The following CERT1 variants were observed in gnomAD, a reference collection of about 807,000 sequenced individuals.
The protein encoded by CERT1 is ceramide transfer protein.
Under a neutral mutation model 87.9 loss-of-function variants are expected in CERT1, and 31 were observed. The ratio of observed to expected loss-of-function variants is 0.35; its 90% CI spans 0.27 to 0.48. The LOEUF (loss-of-function observed/expected upper bound fraction) is 0.48, where lower values mean the gene tolerates loss of function less well. CERT1 is among the 20% of genes least tolerant of loss of function. The pLI is 0.99. For synonymous variants in CERT1, 289 were observed against 250.9 expected (o/e 1.15, Z -1.44); for missense variants, 487 against 758.0 (o/e 0.64, Z 4.20).
At position 75,511,238 on chromosome 5, in the gene CERT1, C is replaced by T. The variant is rs985517134; in HGVS notation, c.-31G>A. On this transcript the variant is annotated 5_prime_UTR_variant, in exon 1 of 17. Transcript: ENST00000643780. Reference sequence around the variant, plus strand: ...CTCGACAACCGAGCAGGAGACCGGCCCCCGCTCCCTCAGCTGCGCCGGAGG... The same window carrying T: ...CTCGACAACCGAGCAGGAGACCGGCTCCCGCTCCCTCAGCTGCGCCGGAGG... The T allele has an allele frequency of 1.2e-6, 2 of 1,609,788 alleles. No homozygotes were observed. The highest frequency in any genetic ancestry group is 1.7e-6 in the Non-Finnish European group (2 of 1,178,382).
chr5:75,369,438 T>C (rs747199592), intron 17 of CERT1: 3 of 152,150 alleles, frequency 2.0e-5, no homozygotes, highest in Admixed American at 1.3e-4. Flanking sequence ...TCTTCAAGCA[T>C]GTTAGCTCTT....
At chr5:75,441,118 A>C (rs1302508915) in intron 3 of CERT1, among the ~76,000 whole-genome samples, 1 of 152,150 alleles carries the variant, frequency 6.6e-6, no homozygotes, top group African/African-American at 2.4e-5. Context: ...TTTGTCAATG[A>C]CAGACCACAT....
chr5:75,488,335 TA>T (rs1185600752), intron 2 of CERT1, among the ~76,000 whole-genome samples: 3 of 152,038 alleles, frequency 2.0e-5, no homozygotes, highest in East Asian at 1.9e-4. Flanking sequence ...GTACTCATAA[TA>T]TTTTTTTTAA....
chr5:75,477,639 A>G (rs1403779572), intron 2 of CERT1, among the ~76,000 whole-genome samples: 5 of 139,302 alleles, frequency 3.6e-5, no homozygotes, highest in Admixed American at 7.2e-5. Flanking sequence ...TAAAGGTCTA[A>G]TAAGTTGTAA....
chr5:75,431,908 T>C (rs934843658), intron 3 of CERT1, among the ~76,000 whole-genome samples: 4 of 152,230 alleles, frequency 2.6e-5, no homozygotes, highest in African/African-American at 9.6e-5. Flanking sequence ...GGAGGAATGA[T>C]TTATATTCCT....
intron 13 of CERT1, 81 bp from the exon 14 acceptor site, chr5:75,384,793 G>T: frequency 2.3e-6 from 2 of 882,024 alleles, no homozygotes; most frequent in Non-Finnish European, 3.7e-6. Flanking sequence ...AGTCAAGTAC[G>T]AATGGACAGT....
chr5:75,495,387 T>C (rs1348614776), intron 2 of CERT1, among the ~76,000 whole-genome samples: 3 of 151,848 alleles, frequency 2.0e-5, no homozygotes, highest in Non-Finnish European at 2.9e-5. Flanking sequence ...TCAAACCCCA[T>C]CTCTACAAAA....
intron 3 of CERT1, among the ~76,000 whole-genome samples, chr5:75,455,500 A>G (rs1764946327): frequency 6.6e-6 from 1 of 152,176 alleles, no homozygotes; most frequent in Admixed American, 6.5e-5. Context: ...ATGATTTAAA[A>G]AATCATGGTC....
chr5:75,495,095 C>A (rs552337326), intron 2 of CERT1, among the ~76,000 whole-genome samples: 5 of 152,292 alleles, frequency 3.3e-5, no homozygotes, highest in South Asian at 4.1e-4. Flanking sequence ...GCTTCTCAGT[C>A]TTTTGGTTCC....
At position 75,398,476 on chromosome 5, in the gene CERT1, T is replaced by C. The variant is rs370124047; in HGVS notation, c.1188+834A>G. Among the ~76,000 whole-genome samples, 36 of 152,224 alleles carry C rather than the reference T, an allele frequency of 2.4e-4. 1 individual carries two copies. In the South Asian group the frequency reaches 7.5e-3, roughly 32 times the overall value. ...ACTGGGATCATACACCTAACCAGGGTTTAAACTGAGTCATTCTGACCAGAG... is the reference window on the plus strand; with the variant it reads ...ACTGGGATCATACACCTAACCAGGGCTTAAACTGAGTCATTCTGACCAGAG... On this transcript the variant is annotated intron_variant, in intron 11 of 16. Transcript: ENST00000643780.
At chr5:75,405,839 G>A (rs1438024632) in intron 8 of CERT1, among the ~76,000 whole-genome samples, 2 of 146,430 alleles carry the variant, frequency 1.4e-5, no homozygotes, top group Non-Finnish European at 3.0e-5. Context: ...GGAAAAAACA[G>A]TGTATATAGG....
intron 7 of CERT1, 76 bp from the exon 8 acceptor site, chr5:75,411,179 C>G (rs1438855758): frequency 2.6e-6 from 2 of 757,086 alleles, no homozygotes; most frequent in East Asian, 5.3e-5. Context: ...GGTGGAATTC[C>G]TCTACATTTC....
At chr5:75,444,703 T>C (rs2112257840) in intron 3 of CERT1, among the ~76,000 whole-genome samples, 1 of 151,934 alleles carries the variant, frequency 6.6e-6, no homozygotes, top group South Asian at 2.1e-4. Flanking sequence ...CACGTGACCA[T>C]GCCCAGCCAA....
chr5:75,463,903 T>G (rs537732056), intron 2 of CERT1, among the ~76,000 whole-genome samples: 2 of 152,118 alleles, frequency 1.3e-5, no homozygotes, highest in African/African-American at 4.8e-5. Flanking sequence ...GGTTAGGCAC[T>G]TATGCCAGGT....
intron 3 of CERT1, among the ~76,000 whole-genome samples, chr5:75,443,070 A>G (rs1386859988): frequency 6.6e-6 from 1 of 152,128 alleles, no homozygotes; most frequent in South Asian, 2.1e-4. Context: ...TAACATCCCT[A>G]CGTTAATTCC....
intron 2 of CERT1, among the ~76,000 whole-genome samples, chr5:75,483,711 T>C (rs546103886): frequency 6.6e-6 from 1 of 152,206 alleles, no homozygotes; most frequent in East Asian, 1.9e-4. Context: ...AAAACTTTTA[T>C]CTTAGAATAG....
Position 75,377,800 on chromosome 5 carries a change from T to G in CERT1, c.*1546A>C, listed in dbSNP as rs1251613154. 6.6e-6 allele frequency: 1 copy of G among 151,936 alleles called. No homozygotes were observed. Among genetic ancestry groups the G allele is most frequent in the Non-Finnish European group, 1.5e-5 (1 of 68,008 alleles). 9.4% of individuals were successfully genotyped at this position (151,936 alleles called of 1,614,324 possible). A position where few individuals can be genotyped will look rare whatever the true frequency, so the allele number is the denominator to read the frequency against. On this transcript the variant is annotated 3_prime_UTR_variant, in exon 17 of 17. Transcript: ENST00000643780. ...TAACTTTTTCATACTTTTGACTTTA[T>G]TTATTTATTTTTTGACAGACATTAC...
chr5:75,477,371 CT>C (rs995135448), intron 2 of CERT1, among the ~76,000 whole-genome samples: 1 of 151,082 alleles, frequency 6.6e-6, no homozygotes, highest in Admixed American at 6.6e-5. Flanking sequence ...CAGTAATAGT[CT>C]TTTTTTTTAA....
intron 12 of CERT1, among the ~76,000 whole-genome samples, chr5:75,387,940 C>T (rs1334768111): frequency 6.6e-6 from 1 of 152,112 alleles, no homozygotes; most frequent in Non-Finnish European, 1.5e-5. Flanking sequence ...GGACGTCATC[C>T]AGACCATCAC....
Sources: gnomAD v4.1 joint callset for allele counts (sites outside exome capture counted in the v4.1 genomes callset) on GRCh38, gnomAD v4.1.1 for gene constraint, MANE v1.5 for transcripts, NCBI Gene and HGNC (gene_info 2026-07-23, HGNC 2026-07-21) for gene names.